NCOA7: variants seen among roughly 807,000 people sequenced by gnomAD.
NCOA7 encodes nuclear receptor coactivator 7, also known as 140 kDa estrogen receptor-associated protein.
In NCOA7, 45 loss-of-function variants were observed where a neutral mutation model predicts 104.3. The ratio of observed to expected loss-of-function variants is 0.43; its 90% CI spans 0.34 to 0.55. The LOEUF (loss-of-function observed/expected upper bound fraction) is 0.55, where lower values mean the gene tolerates loss of function less well. Among genes scored for constraint, NCOA7 ranks in the 20% least tolerant of loss-of-function variants. The pLI, the probability that NCOA7 is intolerant of heterozygous loss-of-function variation, is 0.02. For missense variants in NCOA7, 1,041 were observed against 1,119.7 expected (o/e 0.93, Z 1.00); for synonymous variants, 398 against 402.3 (o/e 0.99, Z 0.13).
intron 2 of NCOA7, among the ~76,000 whole-genome samples, chr6:125,832,082 C>A (rs559902089): frequency 6.6e-6 from 1 of 152,216 alleles, no homozygotes; most frequent in African/African-American, 2.4e-5. Flanking sequence ...TCAATTCTTT[C>A]ACAGTGTTAT....
intron 11 of NCOA7, chr6:125,919,130 G>A: frequency 1.0e-6 from 1 of 996,622 alleles, no homozygotes; most frequent in Non-Finnish European, 1.4e-6. Flanking sequence ...CAGTCTCACA[G>A]CGATGCCTGG....
chr6:125,857,953 A>G (rs1390795578), intron 3 of NCOA7, among the ~76,000 whole-genome samples: 5 of 151,268 alleles, frequency 3.3e-5, no homozygotes, highest in South Asian at 2.1e-4. Flanking sequence ...TTTATGTGGT[A>G]TACTCTGTCG....
At chr6:125,922,205 A>G (rs1478475549) in intron 12 of NCOA7, among the ~76,000 whole-genome samples, 2 of 152,232 alleles carry the variant, frequency 1.3e-5, no homozygotes, top group African/African-American at 4.8e-5. Context: ...TATAGGTGCA[A>G]TAAGAACAGA....
intron 5 of NCOA7, among the ~76,000 whole-genome samples, chr6:125,878,898 T>C (rs937913102): frequency 1.3e-5 from 2 of 152,208 alleles, no homozygotes; most frequent in African/African-American, 4.8e-5. Context: ...AGGTAGCACA[T>C]GTTCTGGCGG....
At chr6:125,902,969 C>T (rs1235963196) in intron 10 of NCOA7, among the ~76,000 whole-genome samples, 3 of 152,206 alleles carry the variant, frequency 2.0e-5, no homozygotes, top group African/African-American at 7.2e-5. Flanking sequence ...GCTGCTGCTG[C>T]TGCTATTACC....
At chr6:125,916,769 G>A (rs1787124960) in intron 11 of NCOA7, among the ~76,000 whole-genome samples, 1 of 152,196 alleles carries the variant, frequency 6.6e-6, no homozygotes. Context: ...AAGCATTGCT[G>A]GAGAGAACCT....
intron 7 of NCOA7, among the ~76,000 whole-genome samples, chr6:125,884,793 C>T (rs1394550234): frequency 6.6e-6 from 1 of 152,208 alleles, no homozygotes; most frequent in Non-Finnish European, 1.5e-5. Flanking sequence ...GCCCTGTATT[C>T]TCGATCGGGT....
Position 125,921,057 on chromosome 6 carries a change from C to A in NCOA7, c.2359C>A (p.His787Asn). 3 of 1,613,008 alleles carry A rather than the reference C, an allele frequency of 1.9e-6. No homozygotes were observed. ...CCACAGCGCGCTCCTGGAGAATATG[C>A]ACATCGAGCAGGTGGGCTCGCCCTG... ...RPHSALLENM[H>N]IEQLARRLPA... The change falls in exon 12 of 16, where the codon CAC becomes AAC. Residue 787 changes from histidine to asparagine, a missense_variant. Coordinates refer to ENST00000392477, the MANE Select transcript of NCOA7 (RefSeq NM_181782.5).
intron 10 of NCOA7, among the ~76,000 whole-genome samples, chr6:125,910,485 CTT>C (rs1396986629): frequency 2.0e-5 from 3 of 152,116 alleles, no homozygotes; most frequent in African/African-American, 7.2e-5. Flanking sequence ...ATAATTGTAT[CTT>C]TGTCAAACCT....
chr6:125,807,254 C>G (rs1776550606), intron 1 of NCOA7, among the ~76,000 whole-genome samples: 1 of 152,202 alleles, frequency 6.6e-6, no homozygotes, highest in Non-Finnish European at 1.5e-5. Context: ...CTGACCAACT[C>G]CTTTGACTAA....
At chr6:125,850,850 A>G (rs770672463) in intron 2 of NCOA7, among the ~76,000 whole-genome samples, 11 of 152,306 alleles carry the variant, frequency 7.2e-5, no homozygotes, top group Middle Eastern at 3.4e-3. Flanking sequence ...AAGCCTCCCA[A>G]TGTAAAGAGA....
At chr6:125,900,509 A>C (rs955994193) in intron 10 of NCOA7, among the ~76,000 whole-genome samples, 1 of 152,188 alleles carries the variant, frequency 6.6e-6, no homozygotes, top group Admixed American at 6.5e-5. Context: ...CTTTATTGAG[A>C]TAGAGTTGAC....
At chr6:125,836,564 G>A (rs1170476505) in intron 2 of NCOA7, among the ~76,000 whole-genome samples, 1 of 152,046 alleles carries the variant, frequency 6.6e-6, no homozygotes, top group Non-Finnish European at 1.5e-5. Context: ...CTTCAAAACC[G>A]CCTTTAACTC....
intron 11 of NCOA7, chr6:125,919,268 C>A: frequency 6.2e-7 from 1 of 1,611,046 alleles, no homozygotes; most frequent in Non-Finnish European, 8.5e-7. Context: ...TGTAGCTCAG[C>A]GTGGCTACAA....
intron 10 of NCOA7, among the ~76,000 whole-genome samples, chr6:125,894,197 G>C (rs2128663876): frequency 6.6e-6 from 1 of 152,224 alleles, no homozygotes; most frequent in Non-Finnish European, 1.5e-5. Flanking sequence ...TGTATGTTTA[G>C]CAACCTCCAT....
intron 2 of NCOA7, among the ~76,000 whole-genome samples, chr6:125,850,696 A>G (rs868749276): frequency 6.6e-6 from 1 of 152,242 alleles, no homozygotes; most frequent in South Asian, 2.1e-4. Flanking sequence ...TAGAACTAAT[A>G]TTAGTATTTG....
Position 125,799,138 on chromosome 6 carries a change from C to T in NCOA7, c.-65+8071C>T, listed in dbSNP as rs147849040. Among the ~76,000 whole-genome samples, 49 of 152,236 alleles carry T rather than the reference C, an allele frequency of 3.2e-4. 1 individual carries two copies. In the East Asian group the frequency reaches 8.3e-3, roughly 26 times the overall value. On this transcript the variant is annotated intron_variant, in intron 1 of 15. Transcript: ENST00000392477. ...ATGGCACTGTGTCCTCTCTACATTTCATGCACTCAGCCTGCTCTTCCACTC... is the reference window on the plus strand; with the variant it reads ...ATGGCACTGTGTCCTCTCTACATTTTATGCACTCAGCCTGCTCTTCCACTC...
intron 2 of NCOA7, among the ~76,000 whole-genome samples, chr6:125,832,940 C>T (rs200566730): frequency 1.3e-5 from 2 of 152,208 alleles, no homozygotes; most frequent in Non-Finnish European, 2.9e-5. Flanking sequence ...CCTCCTTTCT[C>T]CCCTGCCATG....
Position 125,910,612 on chromosome 6 carries a change from T to C in NCOA7, c.2097-4721T>C, listed in dbSNP as rs529119671. ...GAGAGAGAGATAGCTGGTGGGAGGG[T>C]AAAAATAATATAATCCCTATACAGC... is the stretch of plus-strand genomic sequence containing the variant. On this transcript the variant is annotated intron_variant, in intron 10 of 15. Coordinates refer to ENST00000392477, the MANE Select transcript of NCOA7 (RefSeq NM_181782.5). Among the ~76,000 whole-genome samples, 3 of 152,118 alleles carry C rather than the reference T, an allele frequency of 2.0e-5. No homozygotes were observed. The East Asian group carries it at 5.8e-4, about 29-fold the overall frequency.
Sources: gnomAD v4.1 joint callset for allele counts (sites outside exome capture counted in the v4.1 genomes callset) on GRCh38, gnomAD v4.1.1 for gene constraint, MANE v1.5 for transcripts, NCBI Gene and HGNC (gene_info 2026-07-23, HGNC 2026-07-21) for gene names.